THOC2: variants seen among roughly 807,000 people sequenced by gnomAD.
THOC2 encodes THO complex subunit 2, also known as THO complex 2.
In THOC2, 10 loss-of-function variants were observed where a neutral mutation model predicts 128.4. The observed-to-expected ratio is 0.08, with a 90% CI of 0.05 to 0.13. THOC2 has a LOEUF of 0.13. Among genes scored for constraint, THOC2 ranks in the 10% least tolerant of loss-of-function variants. The pLI is 1.00. For synonymous variants in THOC2, 393 were observed against 396.9 expected (o/e 0.99, Z 0.12); for missense variants, 535 against 1,155.7 (o/e 0.46, Z 7.79).
chrX:123,612,755 A>T (rs1422943886), intron 36 of THOC2, among the ~76,000 whole-genome samples: 1 of 112,079 alleles, frequency 8.9e-6, no homozygotes, highest in Non-Finnish European at 1.9e-5. Context: ...TGTTCATTAT[A>T]TAATTTTCTA....
intron 4 of THOC2, among the ~76,000 whole-genome samples, chrX:123,700,027 T>A (rs1280265630): frequency 9.0e-6 from 1 of 111,261 alleles, no homozygotes; most frequent in Non-Finnish European, 1.9e-5. Context: ...TTACCTCGAA[T>A]AAATTCTCTT....
chrX:123,703,082 A>G (rs937424779), intron 4 of THOC2, among the ~76,000 whole-genome samples: 1 of 112,002 alleles, frequency 8.9e-6, no homozygotes, highest in Non-Finnish European at 1.9e-5. Flanking sequence ...GTACAAGAGC[A>G]AAGTAAGTAT....
chrX:123,603,694 G>T, intron 38 of THOC2: 2 of 440,628 alleles, frequency 4.5e-6, no homozygotes, highest in East Asian at 4.0e-5. Flanking sequence ...AGTGACGCAC[G>T]GAGCTTTGGC....
chrX:123,662,544 C>T (rs1413244853), intron 12 of THOC2, among the ~76,000 whole-genome samples: 6 of 99,529 alleles, frequency 6.0e-5, no homozygotes, highest in Non-Finnish European at 6.0e-5. Flanking sequence ...GCCGAGATCG[C>T]GCCACTGGAC....
chrX:123,602,295 C>T (rs1475501301), intron 38 of THOC2: 1 of 112,282 alleles, frequency 8.9e-6, no homozygotes, highest in Non-Finnish European at 1.9e-5. Flanking sequence ...TAATGTTGAA[C>T]TTACAATTTA....
intron 9 of THOC2, among the ~76,000 whole-genome samples, chrX:123,670,896 C>G (rs1234652560): frequency 8.9e-6 from 1 of 112,053 alleles, no homozygotes; most frequent in Non-Finnish European, 1.9e-5. Flanking sequence ...TTTTACTCAA[C>G]TCTGTAGCCA....
chrX:123,638,982 C>T lies in THOC2; in HGVS notation c.1792G>A (p.Val598Ile). 8.4e-7 allele frequency: 1 copy of T among 1,187,231 alleles called. No homozygotes were observed. The highest frequency in any genetic ancestry group is 1.1e-6 in the Non-Finnish European group (1 of 878,547). The stretch of plus-strand genomic sequence containing the variant: ...GAAGTGAGGTATTTCAATGAATCTA[C>T]TACAGGTGTTATTAAGTTATCATAC... ...QKYDNLITPV[V>I]DSLKYLTSLN... is the part of the protein sequence containing the mutation. The change falls in exon 17 of 39, where the codon GTA (valine) becomes ATA (isoleucine). Residue 598 changes from valine to isoleucine, a missense_variant. By Grantham distance (29) the Val-to-Ile change is conservative. This residue lies in a region of THOC2 where 197 missense variants were observed against 313.4 expected (regional missense o/e 0.63). Coordinates refer to ENST00000245838, the MANE Select transcript of THOC2 (RefSeq NM_001081550.2).
At chrX:123,608,679 T>C (rs939390829) in intron 38 of THOC2, among the ~76,000 whole-genome samples, 12 of 111,340 alleles carry the variant, frequency 1.1e-4, no homozygotes, top group Non-Finnish European at 2.3e-4. Context: ...AAGGCAGAGG[T>C]TGCAGTGATC....
At position 123,688,453 on chromosome X, in the gene THOC2, G is replaced by A. The variant is rs779413383; in HGVS notation, c.602-1739C>T. Among the ~76,000 whole-genome samples, 4 of 111,556 alleles carry A rather than the reference G, an allele frequency of 3.6e-5. No individual in the cohort carries two copies. The Admixed American group carries it at 3.8e-4, about 11-fold the overall frequency. ...ACAGTAACAAAAAGCAGATCAGGCC[G>A]GGCGTGGCAGCTCACACCTGTAATC... On this transcript the variant is annotated intron_variant, in intron 7 of 38. Transcript: ENST00000245838.
At chrX:123,624,263 T>C in intron 26 of THOC2, 72 bp from the exon 27 acceptor site, 2 of 979,349 alleles carry the variant, frequency 2.0e-6, no homozygotes, top group Non-Finnish European at 2.8e-6. Context: ...GAAACTTAAG[T>C]AGACTAGATC....
At chrX:123,662,616 T>C in intron 12 of THOC2, among the ~76,000 whole-genome samples, 1 of 104,976 alleles carries the variant, frequency 9.5e-6, no homozygotes, top group South Asian at 4.2e-4. Context: ...AAAATACTAC[T>C]AAATCAGAAT....
chrX:123,673,708 T>G (rs773890142), intron 8 of THOC2, among the ~76,000 whole-genome samples: 1 of 112,282 alleles, frequency 8.9e-6, no homozygotes, highest in Admixed American at 9.4e-5. Context: ...ATTTAAAGGT[T>G]CTTTTCACCG....
At chrX:123,731,314 G>A (rs759213798) in intron 1 of THOC2, among the ~76,000 whole-genome samples, 1 of 111,540 alleles carries the variant, frequency 9.0e-6, no homozygotes, top group South Asian at 3.8e-4. Flanking sequence ...ATAGGCTGGG[G>A]GGGCGGGGCA....
At chrX:123,651,615 T>C (rs2048359425) in intron 12 of THOC2, among the ~76,000 whole-genome samples, 1 of 110,271 alleles carries the variant, frequency 9.1e-6, no homozygotes, top group African/African-American at 3.3e-5. Flanking sequence ...AAAGGGGATA[T>C]CACCATTGAT....
intron 2 of THOC2, among the ~76,000 whole-genome samples, chrX:123,708,240 CATTTGCTATTGCT>C (rs1408367333): frequency 8.9e-6 from 1 of 112,159 alleles, no homozygotes; most frequent in African/African-American, 3.2e-5. Context: ...TTCATTAAAT[CATTTGCTATTGCT>C]ATTTGCTATT....
chrX:123,638,769 T>C lies in THOC2; in HGVS notation c.1840+165A>G, dbSNP rs201627399. On this transcript the variant is annotated intron_variant, in intron 17 of 38. Coordinates refer to ENST00000245838, the MANE Select transcript of THOC2 (RefSeq NM_001081550.2). ...ACACACACTCTCTCTCTCTCTCACATACACACACACACACACACACACACA... is the reference window on the plus strand; with the variant it reads ...ACACACACTCTCTCTCTCTCTCACACACACACACACACACACACACACACA... Among the ~76,000 whole-genome samples, 116 of 93,535 alleles carry C rather than the reference T, an allele frequency of 1.2e-3. No homozygotes were observed. In the East Asian group the frequency reaches 0.027, roughly 22 times the overall value. 81.2% of individuals were successfully genotyped at this position (93,535 alleles called of 115,157 possible).
At chrX:123,727,205 C>T (rs1340967179) in intron 1 of THOC2, among the ~76,000 whole-genome samples, 1 of 109,692 alleles carries the variant, frequency 9.1e-6, no homozygotes, top group East Asian at 2.8e-4. Context: ...AAAGCAAGAC[C>T]CTGTCTCAAA....
intron 10 of THOC2, 93 bp downstream of exon 10, chrX:123,668,066 A>G: frequency 2.9e-6 from 2 of 683,101 alleles, no homozygotes; most frequent in Non-Finnish European, 4.0e-6. Context: ...GAAAACTAAG[A>G]AATTATTCTT....
intron 12 of THOC2, among the ~76,000 whole-genome samples, chrX:123,655,650 G>A (rs1019191263): frequency 9.9e-5 from 11 of 111,185 alleles, no homozygotes; most frequent in Non-Finnish European, 1.5e-4. Context: ...AGGACATGCC[G>A]CCATATTAAC....
Sources: allele counts gnomAD v4.1 joint callset (sites outside exome capture counted in the v4.1 genomes callset), GRCh38; gene constraint gnomAD v4.1.1; regional missense constraint gnomAD v4.1.1; transcripts MANE v1.5; gene names NCBI Gene and HGNC (gene_info 2026-07-23, HGNC 2026-07-21).